PTPRD: variants seen among roughly 807,000 people sequenced by gnomAD.
The protein encoded by PTPRD is receptor-type tyrosine-protein phosphatase delta.
Under a neutral mutation model 214.5 loss-of-function variants are expected in PTPRD, and 34 were observed. The ratio of observed to expected loss-of-function variants is 0.16; its 90% CI spans 0.12 to 0.21. The LOEUF (loss-of-function observed/expected upper bound fraction) is 0.21, where lower values mean the gene tolerates loss of function less well. Among genes scored for constraint, PTPRD ranks in the 10% least tolerant of loss-of-function variants. The pLI, the probability that PTPRD is intolerant of heterozygous loss-of-function variation, is 1.00. For missense variants in PTPRD, 2,545 were observed against 2,398.7 expected, an observed-to-expected ratio of 1.06 and a Z score of -1.27; for synonymous variants, 1,128 against 845.7, an observed-to-expected ratio of 1.33 and a Z score of -5.79.
intron 8 of PTPRD, among the ~76,000 whole-genome samples, chr9:9,422,688 G>C (rs758823621): frequency 6.6e-6 from 1 of 152,108 alleles, no homozygotes; most frequent in Non-Finnish European, 1.5e-5. Context: ...CAAATAGCTA[G>C]GGAGACAAAA....
chr9:9,236,056 G>T (rs1594229855), intron 9 of PTPRD, among the ~76,000 whole-genome samples: 1 of 152,064 alleles, frequency 6.6e-6, no homozygotes, highest in East Asian at 1.9e-4. Flanking sequence ...CTGAGGTCAG[G>T]AGTTCAAGAC....
intron 11 of PTPRD, among the ~76,000 whole-genome samples, chr9:8,748,048 C>T (rs2093035955): frequency 6.6e-6 from 1 of 152,184 alleles, no homozygotes; most frequent in Non-Finnish European, 1.5e-5. Flanking sequence ...CTAGCCCATG[C>T]TCCGATGTTA....
chr9:8,333,938 G>A (rs1296356639), intron 43 of PTPRD, among the ~76,000 whole-genome samples: 2 of 151,978 alleles, frequency 1.3e-5, no homozygotes, highest in Non-Finnish European at 2.9e-5. Flanking sequence ...AGACAAAGAA[G>A]GCCATTACAT....
At chr9:8,801,568 T>A (rs913124144) in intron 11 of PTPRD, among the ~76,000 whole-genome samples, 18 of 151,792 alleles carry the variant, frequency 1.2e-4, no homozygotes, top group African/African-American at 4.4e-4. Context: ...AATACAAAAT[T>A]AGCCAGGCAT....
chr9:10,369,331 T>C (rs904496441), intron 2 of PTPRD, among the ~76,000 whole-genome samples: 1 of 152,206 alleles, frequency 6.6e-6, no homozygotes, highest in East Asian at 1.9e-4. Flanking sequence ...AGATCAAACA[T>C]GAAATGGCAG....
intron 9 of PTPRD, among the ~76,000 whole-genome samples, chr9:9,339,622 T>C (rs1486134278): frequency 2.0e-5 from 3 of 152,206 alleles, no homozygotes; most frequent in Non-Finnish European, 2.9e-5. Context: ...AATGTATGCA[T>C]TGACAGGTTA....
At chr9:10,022,763 A>T (rs2096848769) in intron 4 of PTPRD, among the ~76,000 whole-genome samples, 1 of 152,206 alleles carries the variant, frequency 6.6e-6, no homozygotes, top group African/African-American at 2.4e-5. Context: ...ATAAAATGCT[A>T]TAAAGGGGAG....
intron 30 of PTPRD, among the ~76,000 whole-genome samples, chr9:8,472,702 G>A (rs2096678217): frequency 6.7e-6 from 1 of 150,236 alleles, no homozygotes; most frequent in Non-Finnish European, 1.5e-5. Flanking sequence ...GGATGTATTA[G>A]GTTAAATAAA....
chr9:8,701,080 G>C (rs1469736857), intron 12 of PTPRD, among the ~76,000 whole-genome samples: 1 of 152,024 alleles, frequency 6.6e-6, no homozygotes, highest in African/African-American at 2.4e-5. Flanking sequence ...AGAATCACTT[G>C]AACCCGGGAG....
chr9:8,361,126 C>G (rs758591749), intron 39 of PTPRD, among the ~76,000 whole-genome samples: 1 of 152,108 alleles, frequency 6.6e-6, no homozygotes, highest in Admixed American at 6.6e-5. Flanking sequence ...GGTCAACATA[C>G]GGATTTGTAA....
intron 3 of PTPRD, among the ~76,000 whole-genome samples, chr9:10,053,211 T>C (rs1368154428): frequency 4.6e-5 from 7 of 152,196 alleles, no homozygotes. Flanking sequence ...TAAACAAAGA[T>C]GACCTGACTT....
In PTPRD at chr9:9,536,269, G is replaced by A. The variant is rs373442787; in HGVS notation, c.-237+38463C>T. On this transcript the variant is annotated intron_variant, in intron 8 of 45. Coordinates refer to ENST00000381196, the MANE Select transcript of PTPRD (RefSeq NM_002839.4). ...GTTTCCATTCCCGGCCCGTACCTCA[G>A]TGCTTGGCTAAAGATTAGCACACAA... is the stretch of plus-strand genomic sequence containing the variant. Among the ~76,000 whole-genome samples the A allele has an allele frequency of 3.3e-5, 5 of 152,084 alleles. No homozygotes were observed. The East Asian group carries it at 9.7e-4, about 30-fold the overall frequency.
intron 14 of PTPRD, among the ~76,000 whole-genome samples, chr9:8,562,377 A>G (rs1477973837): frequency 2.0e-5 from 3 of 151,952 alleles, no homozygotes; most frequent in African/African-American, 7.2e-5. Flanking sequence ...TTTTTTGAAA[A>G]CTTCTCAGTT....
intron 11 of PTPRD, among the ~76,000 whole-genome samples, chr9:8,981,938 C>T (rs1392616528): frequency 2.6e-5 from 4 of 151,990 alleles, no homozygotes; most frequent in African/African-American, 9.7e-5. Flanking sequence ...TTTCCACTGA[C>T]TCTCTAGGAT....
At chr9:9,601,557 G>C (rs1014874371) in intron 7 of PTPRD, among the ~76,000 whole-genome samples, 1 of 152,062 alleles carries the variant, frequency 6.6e-6, no homozygotes, top group Non-Finnish European at 1.5e-5. Flanking sequence ...AATGGAGTTA[G>C]AGATATTTAG....
intron 10 of PTPRD, among the ~76,000 whole-genome samples, chr9:9,023,463 G>C (rs772518266): frequency 2.6e-5 from 4 of 151,854 alleles, no homozygotes; most frequent in Non-Finnish European, 5.9e-5. Flanking sequence ...GGATTACTTG[G>C]ACCGAAACAC....
chr9:9,410,753 A>C (rs769085841), intron 8 of PTPRD, among the ~76,000 whole-genome samples: 28 of 152,208 alleles, frequency 1.8e-4, no homozygotes, highest in Non-Finnish European at 3.2e-4. Context: ...TAGGAGTTGA[A>C]TAATGACAAC....
chr9:9,962,658 T>C (rs1048625459), intron 4 of PTPRD, among the ~76,000 whole-genome samples: 1 of 152,116 alleles, frequency 6.6e-6, no homozygotes, highest in Non-Finnish European at 1.5e-5. Flanking sequence ...TGTCCATCCA[T>C]CCACCTTTTA....
chr9:10,233,762 C>T (rs1054458806), intron 3 of PTPRD, among the ~76,000 whole-genome samples: 3 of 151,762 alleles, frequency 2.0e-5, no homozygotes, highest in Admixed American at 6.6e-5. Context: ...CTTGGGAATT[C>T]GTATAACAGA....
Sources: allele counts gnomAD v4.1 joint callset (sites outside exome capture counted in the v4.1 genomes callset), GRCh38; gene constraint gnomAD v4.1.1; transcripts MANE v1.5; gene names NCBI Gene and HGNC (gene_info 2026-07-23, HGNC 2026-07-21).